The following DENND2A variants were observed in gnomAD, a reference collection of about 807,000 sequenced individuals.
DENND2A encodes DENN domain containing 2A.
Under a neutral mutation model 105.3 loss-of-function variants are expected in DENND2A, and 53 were observed. That is an observed-to-expected ratio of 0.50 (90% CI 0.40 to 0.63). The LOEUF (loss-of-function observed/expected upper bound fraction) is 0.63. Ranked by LOEUF, DENND2A falls within the 30% of genes least tolerant of loss-of-function variation. The pLI, the probability that DENND2A is intolerant of heterozygous loss-of-function variation, is 0.00. For missense variants in DENND2A, 1,138 were observed against 1,279.6 expected (o/e 0.89, Z 1.69); for synonymous variants, 522 against 508.4 (o/e 1.03, Z -0.36).
rs1801131991 is a variant in DENND2A, at chr7:140,640,109, ACACACACTCG to A, written c.-248+385_-248+394del. 5 of 152,942 alleles carry A rather than the reference ACACACACTCG, an allele frequency of 3.3e-5. No homozygotes were observed. The highest frequency in any genetic ancestry group is 2.6e-4 in the Admixed American group (4 of 15,288). 9.5% of individuals were successfully genotyped at this position (152,942 alleles called of 1,614,324 possible). ...CGCTTGCACGCGCACGCACACACTCACACACACTCGCACAGACACACTCACACACAGACAC... is the reference window on the plus strand; with the variant it reads ...CGCTTGCACGCGCACGCACACACTCACACAGACACACTCACACACAGACAC... On this transcript the variant is annotated intron_variant, in intron 1 of 19. Coordinates refer to ENST00000496613, the MANE Select transcript of DENND2A (RefSeq NM_015689.5). The surrounding 1 kb of genome is among the most constrained non-coding windows in gnomAD (Gnocchi z 4.9).
In DENND2A at chr7:140,628,762, G is replaced by C. The variant is rs559660499; in HGVS notation, c.-248+11742C>G. On this transcript the variant is annotated intron_variant, in intron 1 of 19. Transcript: ENST00000496613. The stretch of plus-strand genomic sequence containing the variant: ...TCACCATGTTGGTCAGGCTGGTCTC[G>C]AACTCCTGACCTCAAATGATCCGCC... 1.1e-4 allele frequency among the ~76,000 whole-genome samples: 17 copies of C among 151,880 alleles called. No homozygotes were observed. The East Asian group carries it at 1.9e-3, about 17-fold the overall frequency.
chr7:140,638,037 T>G (rs776719868), intron 1 of DENND2A, among the ~76,000 whole-genome samples: 1 of 151,918 alleles, frequency 6.6e-6, no homozygotes, highest in African/African-American at 2.4e-5. Flanking sequence ...TAACGGGGAG[T>G]TTTATCTTTC....
chr7:140,525,625 G>T, intron 16 of DENND2A, 126 bp downstream of exon 16: 1 of 809,428 alleles, frequency 1.2e-6, no homozygotes, highest in Non-Finnish European at 1.8e-6. Flanking sequence ...CCCCGTCCTG[G>T]GGTCACACAG....
chr7:140,564,711 TA>T (rs1161270521), intron 9 of DENND2A, among the ~76,000 whole-genome samples: 1 of 152,224 alleles, frequency 6.6e-6, no homozygotes, highest in African/African-American at 2.4e-5. Context: ...CTGGAAACAA[TA>T]ATCATTTGAT....
At chr7:140,538,949 G>C (rs1585578846) in intron 14 of DENND2A, among the ~76,000 whole-genome samples, 1 of 151,642 alleles carries the variant, frequency 6.6e-6, no homozygotes, top group African/African-American at 2.4e-5. Flanking sequence ...TCAGCCTCCT[G>C]AGTAGCTGGG....
chr7:140,569,661 C>T lies in DENND2A; in HGVS notation c.1524G>A (p.Glu508=), dbSNP rs757860814. 2 of 1,612,666 alleles carry T rather than the reference C, an allele frequency of 1.2e-6. No homozygotes were observed. Among genetic ancestry groups the T allele is most frequent in the Admixed American group, 3.3e-5 (2 of 60,022 alleles). Residue 508 remains glutamate (E), a synonymous_variant, in exon 7 of 20, where the codon GAG becomes GAA. Coordinates refer to ENST00000496613, the MANE Select transcript of DENND2A (RefSeq NM_015689.5). ...KRVKRLSQSM[E]SNSGKVTDEN... ...GGGTTCTACCTTTTCCTGAGTTGCT[C>T]TCCATTGACTGGGACAGCCTCTTCA...
chr7:140,585,455 C>A (rs931275945), intron 5 of DENND2A, 134 bp downstream of exon 5: 3 of 1,231,308 alleles, frequency 2.4e-6, no homozygotes, highest in Non-Finnish European at 2.3e-6. Context: ...AGTCAGCCAG[C>A]GTTGTACAAA....
At chr7:140,540,680 C>T (rs1472410092) in intron 14 of DENND2A, among the ~76,000 whole-genome samples, 1 of 151,992 alleles carries the variant, frequency 6.6e-6, no homozygotes. Context: ...GTCAAGTCCT[C>T]TCTCAGACGT....
intron 14 of DENND2A, among the ~76,000 whole-genome samples, chr7:140,533,451 C>CA (rs1488088054): frequency 3.3e-5 from 5 of 152,196 alleles, no homozygotes; most frequent in Non-Finnish European, 5.9e-5. Flanking sequence ...GAGAGGCCCC[C>CA]AGGGCCTGGG....
chr7:140,608,675 T>TAAAAAAAAAAAAAAA (rs11358052), intron 1 of DENND2A, among the ~76,000 whole-genome samples: 1 of 137,562 alleles, frequency 7.3e-6, no homozygotes. Flanking sequence ...GACTCTGTCT[T>TAAAAAAAAAAAAAAA]AAAAAAAAAA....
intron 1 of DENND2A, among the ~76,000 whole-genome samples, chr7:140,632,508 T>C (rs1009718790): frequency 6.6e-6 from 1 of 152,214 alleles, no homozygotes; most frequent in Non-Finnish European, 1.5e-5. Context: ...AAGGTGCAGT[T>C]TGCAGGGACA....
chr7:140,568,870 ACT>A, intron 7 of DENND2A, 57 bp from the exon 8 acceptor site: 3 of 1,550,806 alleles, frequency 1.9e-6, no homozygotes, highest in Middle Eastern at 3.4e-4. Flanking sequence ...CATGTAGGAA[ACT>A]CTTTCTATGT....
At chr7:140,603,691 C>G (rs1195331507) in intron 2 of DENND2A, among the ~76,000 whole-genome samples, 1 of 152,208 alleles carries the variant, frequency 6.6e-6, no homozygotes, top group African/African-American at 2.4e-5. Context: ...GAGGCAGATT[C>G]AGATTTCACA....
chr7:140,529,411 G>C (rs1796176264), intron 14 of DENND2A, among the ~76,000 whole-genome samples: 1 of 152,158 alleles, frequency 6.6e-6, no homozygotes, highest in African/African-American at 2.4e-5. Context: ...TCTAGAACTA[G>C]AAATACCATT....
chr7:140,592,597 C>CTT (rs112671241), intron 3 of DENND2A, among the ~76,000 whole-genome samples: 5,726 of 148,292 alleles, frequency 0.039, 210 homozygotes, highest in African/African-American at 0.11. Flanking sequence ...CGTGCCCTGC[C>CTT]CTTTTTTTTT....
intron 6 of DENND2A, among the ~76,000 whole-genome samples, chr7:140,570,023 T>A (rs1233965877): frequency 6.6e-6 from 1 of 152,142 alleles, no homozygotes; most frequent in African/African-American, 2.4e-5. Context: ...GCCTCCTGAG[T>A]AGCTGGGATT....
chr7:140,623,329 A>C (rs1357764596), intron 1 of DENND2A, among the ~76,000 whole-genome samples: 2 of 151,638 alleles, frequency 1.3e-5, no homozygotes, highest in Admixed American at 1.3e-4. Context: ...AAAAAAAAAA[A>C]AAAAAAGTCC....
chr7:140,549,683 T>C (rs1023820208), intron 12 of DENND2A, among the ~76,000 whole-genome samples: 3 of 152,230 alleles, frequency 2.0e-5, no homozygotes, highest in African/African-American at 7.2e-5. Flanking sequence ...AAAGACAGTA[T>C]GGCAGTTCCT....
rs1220751488 is a variant in DENND2A, at chr7:140,527,259, C to A, written c.2505+59G>T. ...CGCTCCATGATGCCTGCAGAGCCAG[C>A]GCCCCGCTCTGTTCTCCGCACCCTG... On this transcript the variant is annotated intron_variant, in intron 15 of 19. Coordinates refer to ENST00000496613, the MANE Select transcript of DENND2A (RefSeq NM_015689.5). This position sits in a 1 kb window ranked among gnomAD's most constrained non-coding sequence, Gnocchi z 4.9. The A allele has an allele frequency of 1.4e-6, 2 of 1,464,130 alleles. No individual in the cohort carries two copies. The highest frequency in any genetic ancestry group is 5.1e-5 in the East Asian group (2 of 39,514). 90.7% of individuals were successfully genotyped at this position (1,464,130 alleles called of 1,614,324 possible).
Sources: allele counts gnomAD v4.1 joint callset (sites outside exome capture counted in the v4.1 genomes callset), GRCh38; gene constraint gnomAD v4.1.1; non-coding constraint Gnocchi (gnomAD v3.1); transcripts MANE v1.5; gene names NCBI Gene and HGNC (gene_info 2026-07-23, HGNC 2026-07-21).